NRXN3: variants seen among roughly 807,000 people sequenced by gnomAD.
NRXN3 encodes the protein neurexin 3, also known as neurexin III.
Under a neutral mutation model 137.6 loss-of-function variants are expected in NRXN3, and 32 were observed. That is an observed-to-expected ratio of 0.23 (90% CI 0.18 to 0.31). The LOEUF (loss-of-function observed/expected upper bound fraction) is 0.31, where lower values mean the gene tolerates loss of function less well. Ranked by LOEUF, NRXN3 falls within the 10% of genes least tolerant of loss-of-function variation. The pLI, the probability that NRXN3 is intolerant of heterozygous loss-of-function variation, is 1.00. For synonymous variants in NRXN3, 798 were observed against 784.5 expected, an observed-to-expected ratio of 1.02 and a Z score of -0.29; for missense variants, 1,574 against 2,062.5, an observed-to-expected ratio of 0.76 and a Z score of 4.59.
intron 20 of NRXN3, among the ~76,000 whole-genome samples, chr14:79,848,177 T>C (rs2099384282): frequency 6.6e-6 from 1 of 152,198 alleles, no homozygotes; most frequent in Admixed American, 6.5e-5. Context: ...GGTACTAGTT[T>C]ATTTAATCAA....
At chr14:78,459,215 G>A (rs2094845677) in intron 4 of NRXN3, among the ~76,000 whole-genome samples, 1 of 152,184 alleles carries the variant, frequency 6.6e-6, no homozygotes, top group Admixed American at 6.5e-5. Flanking sequence ...ACTGTGAGTA[G>A]GGCATCAAAA....
At chr14:78,648,529 T>A (rs1204577404) in intron 5 of NRXN3, among the ~76,000 whole-genome samples, 1 of 152,230 alleles carries the variant, frequency 6.6e-6, no homozygotes, top group Non-Finnish European at 1.5e-5. Flanking sequence ...ATTCTAATTT[T>A]TTTTGATACA....
chr14:79,712,584 A>G (rs2098808321), intron 19 of NRXN3, among the ~76,000 whole-genome samples: 1 of 152,210 alleles, frequency 6.6e-6, no homozygotes, highest in South Asian at 2.1e-4. Flanking sequence ...TACTGTTATG[A>G]CAATTTCTGT....
chr14:79,831,398 C>A (rs2099323043), intron 20 of NRXN3, among the ~76,000 whole-genome samples: 1 of 152,214 alleles, frequency 6.6e-6, no homozygotes, highest in Non-Finnish European at 1.5e-5. Flanking sequence ...AAGATGGGAA[C>A]ACGCTTCCTC....
At chr14:78,632,046 G>C (rs2097527451) in intron 4 of NRXN3, among the ~76,000 whole-genome samples, 1 of 151,270 alleles carries the variant, frequency 6.6e-6, no homozygotes, top group Non-Finnish European at 1.5e-5. Flanking sequence ...CCCAGGAGGC[G>C]GAGCTTGCAG....
At chr14:78,658,954 G>A (rs1309219514) in intron 6 of NRXN3, among the ~76,000 whole-genome samples, 2 of 152,148 alleles carry the variant, frequency 1.3e-5, no homozygotes, top group Non-Finnish European at 2.9e-5. Flanking sequence ...AAGCAATTAC[G>A]GCATCTCAGG....
intron 15 of NRXN3, among the ~76,000 whole-genome samples, chr14:79,152,337 C>T (rs921717691): frequency 5.9e-5 from 9 of 152,014 alleles, no homozygotes; most frequent in Non-Finnish European, 1.0e-4. Context: ...AATTTGATAA[C>T]TAAATGAAAA....
At chr14:79,016,089 C>CTT (rs1440067715) in intron 15 of NRXN3, among the ~76,000 whole-genome samples, 16 of 152,108 alleles carry the variant, frequency 1.1e-4, no homozygotes, top group Non-Finnish European at 1.2e-4. Context: ...TTTATTTGCT[C>CTT]TTTCTGCCTG....
intron 16 of NRXN3, among the ~76,000 whole-genome samples, chr14:79,580,233 C>T (rs1433909005): frequency 6.6e-6 from 1 of 152,108 alleles, no homozygotes; most frequent in Admixed American, 6.6e-5. Flanking sequence ...GCTGTTGTGA[C>T]TAGTGCTGCA....
At chr14:78,306,787 G>T (rs980806773) in intron 4 of NRXN3, among the ~76,000 whole-genome samples, 3 of 152,062 alleles carry the variant, frequency 2.0e-5, no homozygotes, top group Admixed American at 6.6e-5. Context: ...TGCTTATTTG[G>T]CATTCAACAA....
chr14:79,728,564 CTT>C (rs1021942867), intron 19 of NRXN3, among the ~76,000 whole-genome samples: 4 of 152,214 alleles, frequency 2.6e-5, no homozygotes, highest in African/African-American at 7.2e-5. Context: ...CAAGAAGAGA[CTT>C]TTTCATCTTT....
At chr14:79,288,798 T>A (rs1339912252) in intron 15 of NRXN3, among the ~76,000 whole-genome samples, 1 of 152,212 alleles carries the variant, frequency 6.6e-6, no homozygotes, top group Non-Finnish European at 1.5e-5. Context: ...CAATTCCTAA[T>A]AAGTATTTGA....
At chr14:79,792,932 G>C (rs2099149811) in intron 19 of NRXN3, among the ~76,000 whole-genome samples, 1 of 152,028 alleles carries the variant, frequency 6.6e-6, no homozygotes, top group South Asian at 2.1e-4. Context: ...TTTCAAAGTG[G>C]TTGCATTAAA....
intron 14 of NRXN3, among the ~76,000 whole-genome samples, chr14:78,972,698 C>T (rs1034127039): frequency 7.2e-5 from 11 of 152,290 alleles, no homozygotes; most frequent in African/African-American, 2.6e-4. Context: ...TGCGCGTCCC[C>T]CTCTGCCCTA....
chr14:79,416,689 G>A (rs918930765), intron 15 of NRXN3, among the ~76,000 whole-genome samples: 9 of 152,086 alleles, frequency 5.9e-5, no homozygotes. Flanking sequence ...AGCTTAGACT[G>A]TCATTCAGCC....
chr14:79,802,859 T>TG (rs2099187285), intron 19 of NRXN3, among the ~76,000 whole-genome samples: 2 of 147,034 alleles, frequency 1.4e-5, no homozygotes, highest in African/African-American at 2.6e-5. Flanking sequence ...TAGTGTGTGT[T>TG]TTTTTTAAGT....
chr14:78,834,180 A>G (rs1303581089), intron 10 of NRXN3, among the ~76,000 whole-genome samples: 1 of 152,122 alleles, frequency 6.6e-6, no homozygotes, highest in Non-Finnish European at 1.5e-5. Context: ...TTTGCATCTT[A>G]TTCTAGGAGC....
intron 15 of NRXN3, among the ~76,000 whole-genome samples, chr14:79,223,322 T>C (rs555382929): frequency 9.1e-4 from 139 of 152,302 alleles, no homozygotes; most frequent in Middle Eastern, 3.4e-3. Flanking sequence ...ATTTATCTTA[T>C]GGATTTTCCC....
At chr14:78,510,166 C>A (rs2096075686) in intron 4 of NRXN3, among the ~76,000 whole-genome samples, 1 of 151,558 alleles carries the variant, frequency 6.6e-6, no homozygotes, top group Admixed American at 6.6e-5. Context: ...GTTCCCCATG[C>A]CTCAATTTTC....
Sources: gnomAD v4.1 joint callset for allele counts (sites outside exome capture counted in the v4.1 genomes callset) on GRCh38, gnomAD v4.1.1 for gene constraint, MANE v1.5 for transcripts, NCBI Gene and HGNC (gene_info 2026-07-23, HGNC 2026-07-21) for gene names.